CUX1: variants seen among roughly 807,000 people sequenced by gnomAD.
The protein encoded by CUX1 is protein CASP.
A neutral mutation model predicts 158.8 loss-of-function variants in CUX1; 31 were observed. The observed-to-expected ratio is 0.20, with a 90% CI of 0.15 to 0.26. The LOEUF is 0.26. CUX1 is among the 10% of genes least tolerant of loss of function. The pLI is 1.00. For missense variants in CUX1, 1,589 were observed against 2,014.6 expected (o/e 0.79, Z 4.04); for synonymous variants, 879 against 862.1 (o/e 1.02, Z -0.34).
chr7:101,970,281 A>AAACGG (rs1165952254), intron 2 of CUX1, among the ~76,000 whole-genome samples: 1 of 152,140 alleles, frequency 6.6e-6, no homozygotes. Flanking sequence ...TTTCATAGAG[A>AAACGG]AACGGCTGGC....
intron 1 of CUX1, among the ~76,000 whole-genome samples, chr7:101,914,358 C>T (rs530005873): frequency 2.1e-5 from 3 of 141,820 alleles, no homozygotes; most frequent in Non-Finnish European, 3.1e-5. Flanking sequence ...CTTCTTCCTT[C>T]CTTCCTTCCT....
At chr7:102,222,778 T>C (rs578110492) in intron 20 of CUX1, among the ~76,000 whole-genome samples, 1 of 147,084 alleles carries the variant, frequency 6.8e-6, no homozygotes, top group East Asian at 2.1e-4. Flanking sequence ...CCCATCCACC[T>C]AGCTCCTGGC....
chr7:101,870,316 C>T (rs770249892), intron 1 of CUX1, among the ~76,000 whole-genome samples: 23 of 151,830 alleles, frequency 1.5e-4, no homozygotes, highest in Non-Finnish European at 2.4e-4. Flanking sequence ...CCCACCACAC[C>T]GGGCTAATTT....
At chr7:101,986,201 G>A (rs1436439821) in intron 2 of CUX1, among the ~76,000 whole-genome samples, 2 of 152,202 alleles carry the variant, frequency 1.3e-5, no homozygotes, top group Non-Finnish European at 2.9e-5. Context: ...ACAAGAGATG[G>A]AATTGGTAAC....
chr7:102,197,739 A>G lies in CUX1; in HGVS notation c.1894+434A>G, dbSNP rs78201178. 8.6e-3 allele frequency among the ~76,000 whole-genome samples: 1,304 copies of G among 152,188 alleles called. 11 individuals carry two copies. Among genetic ancestry groups the G allele is most frequent in the African/African-American group, 0.03 (1,247 of 41,524 alleles). On this transcript the variant is annotated intron_variant, in intron 15 of 23. Transcript: ENST00000292535. ...GATCCTCATGCAAAGCTGGTTCTGT[A>G]GGGAGAACACATCACAGATGACACC...
At chr7:102,060,592 T>TAC (rs1394583481) in intron 3 of CUX1, among the ~76,000 whole-genome samples, 71 of 87,010 alleles carry the variant, frequency 8.2e-4, no homozygotes, top group African/African-American at 2.8e-3. Context: ...TATATATATA[T>TAC]ACACACACAC....
At chr7:102,033,567 T>C (rs1281924532) in intron 3 of CUX1, among the ~76,000 whole-genome samples, 1 of 152,188 alleles carries the variant, frequency 6.6e-6, no homozygotes, top group Non-Finnish European at 1.5e-5. Flanking sequence ...TTTCTGCCAA[T>C]AAATACTGAA....
chr7:101,854,436 G>A (rs1796577760), intron 1 of CUX1, among the ~76,000 whole-genome samples: 1 of 152,098 alleles, frequency 6.6e-6, no homozygotes, highest in South Asian at 2.1e-4. Flanking sequence ...TGGCACCAGA[G>A]GCCTGGGCTC....
At chr7:102,025,665 A>AT (rs1420871052) in intron 2 of CUX1, among the ~76,000 whole-genome samples, 1 of 152,018 alleles carries the variant, frequency 6.6e-6, no homozygotes, top group African/African-American at 2.4e-5. Flanking sequence ...GAATCTGATT[A>AT]TTTTTTGTCC....
rs992529130 is a variant in CUX1, at chr7:102,201,106, C to T, written c.2063-254C>T. ...GCAGGTCGGGGAGCACTTTCACTGACACCCCCTTTATTACCCTCTACATCT... is the reference window on the plus strand; with the variant it reads ...GCAGGTCGGGGAGCACTTTCACTGATACCCCCTTTATTACCCTCTACATCT... On this transcript the variant is annotated intron_variant, in intron 17 of 23. Coordinates refer to ENST00000292535, the MANE Select transcript of CUX1 (RefSeq NM_181552.4). This position sits in a 1 kb window ranked among gnomAD's most constrained non-coding sequence, Gnocchi z 5.0. 4.7e-5 allele frequency among the ~76,000 whole-genome samples: 7 copies of T among 149,480 alleles called. No individual in the cohort carries two copies. Among genetic ancestry groups the T allele is most frequent in the Non-Finnish European group, 8.9e-5 (6 of 67,586 alleles).
chr7:101,904,236 G>C (rs1388889876), intron 1 of CUX1, among the ~76,000 whole-genome samples: 2 of 152,190 alleles, frequency 1.3e-5, no homozygotes, highest in African/African-American at 4.8e-5. Context: ...GGAGTTCGAG[G>C]CTGCAGTAAA....
At chr7:101,918,265 C>T (rs890490923) in intron 2 of CUX1, among the ~76,000 whole-genome samples, 2 of 152,208 alleles carry the variant, frequency 1.3e-5, no homozygotes, top group African/African-American at 4.8e-5. Context: ...AGCCCTATCC[C>T]TCCATCGTGC....
chr7:101,976,899 G>GTTTTTTTTT (rs1812758993), intron 2 of CUX1, among the ~76,000 whole-genome samples: 6 of 40,738 alleles, frequency 1.5e-4, no homozygotes, highest in Admixed American at 2.3e-4. Flanking sequence ...TTCCCTTTCT[G>GTTTTTTTTT]ATTTTTTTTT....
intron 8 of CUX1, among the ~76,000 whole-genome samples, chr7:102,145,283 A>G (rs1015241187): frequency 2.0e-5 from 3 of 151,856 alleles, no homozygotes; most frequent in Non-Finnish European, 4.4e-5. Context: ...CTGAGATTTT[A>G]CTGATTGCCT....
chr7:102,176,596 A>G (rs1792377852), intron 10 of CUX1, among the ~76,000 whole-genome samples: 1 of 119,648 alleles, frequency 8.4e-6, no homozygotes, highest in South Asian at 2.7e-4. Context: ...GCTTTGACAC[A>G]GAGTCGCTCT....
chr7:102,030,691 G>GTTTTTTTTTTTTTTTTTTTTGTT (rs71119801), intron 3 of CUX1, among the ~76,000 whole-genome samples: 1 of 119,386 alleles, frequency 8.4e-6, no homozygotes, highest in African/African-American at 3.1e-5. Flanking sequence ...TTTAAAAAGT[G>GTTTTTTTTTTTTTTTTTTTTGTT]TTTTTTTTTT....
chr7:101,913,389 C>A (rs926228692), intron 1 of CUX1: 10 of 1,265,084 alleles, frequency 7.9e-6, no homozygotes, highest in Non-Finnish European at 9.3e-6. Flanking sequence ...TCCCCGACTG[C>A]CAGCAGCAAG....
intron 9 of CUX1, among the ~76,000 whole-genome samples, chr7:102,168,710 C>T (rs1441822744): frequency 6.6e-6 from 1 of 151,082 alleles, no homozygotes; most frequent in Non-Finnish European, 1.5e-5. Context: ...AATGCTGTTG[C>T]CACAGAATTG....
intron 18 of CUX1, among the ~76,000 whole-genome samples, chr7:102,203,840 G>T (rs1213405504): frequency 2.0e-5 from 3 of 152,068 alleles, no homozygotes; most frequent in Non-Finnish European, 2.9e-5. Context: ...TCCCAGGCCG[G>T]CTCCCCAGGT....
Sources: gnomAD v4.1 joint callset for allele counts (sites outside exome capture counted in the v4.1 genomes callset) on GRCh38, gnomAD v4.1.1 for gene constraint, Gnocchi (gnomAD v3.1) non-coding constraint, MANE v1.5 for transcripts, NCBI Gene and HGNC (gene_info 2026-07-23, HGNC 2026-07-21) for gene names.